PTPRA: variants seen among roughly 807,000 people sequenced by gnomAD.
The protein encoded by PTPRA is receptor-type tyrosine-protein phosphatase alpha.
In PTPRA, 25 loss-of-function variants were observed where a neutral mutation model predicts 104.8. That is an observed-to-expected ratio of 0.24 (90% CI 0.17 to 0.33). The LOEUF is 0.33. Ranked by LOEUF, PTPRA falls within the 10% of genes least tolerant of loss-of-function variation. The pLI, the probability that PTPRA is intolerant of heterozygous loss-of-function variation, is 1.00. For synonymous variants in PTPRA, 323 were observed against 368.9 expected (o/e 0.88, Z 1.43); for missense variants, 765 against 1,015.3 (o/e 0.75, Z 3.35).
At chr20:2,995,896 G>A (rs775554086) in intron 9 of PTPRA, among the ~76,000 whole-genome samples, 11 of 152,032 alleles carry the variant, frequency 7.2e-5, no homozygotes, top group Non-Finnish European at 1.3e-4. Context: ...ACCCCTACTC[G>A]TTTACCACCA....
intron 3 of PTPRA, among the ~76,000 whole-genome samples, chr20:2,951,810 G>A (rs772929084): frequency 6.6e-6 from 1 of 152,154 alleles, no homozygotes; most frequent in African/African-American, 2.4e-5. Flanking sequence ...CAATCATCTT[G>A]TGATCTGTTG....
chr20:3,001,786 A>C (rs907992587), intron 9 of PTPRA, among the ~76,000 whole-genome samples: 1 of 152,178 alleles, frequency 6.6e-6, no homozygotes, highest in East Asian at 1.9e-4. Context: ...CCAGGGTTTT[A>C]ATCTGAAAGG....
intron 3 of PTPRA, among the ~76,000 whole-genome samples, chr20:2,953,763 A>C (rs1465732679): frequency 6.6e-6 from 1 of 151,116 alleles, no homozygotes; most frequent in South Asian, 2.1e-4. Context: ...GCCCGCCACC[A>C]CACCCAGCTA....
In PTPRA at chr20:3,035,628, A is replaced by G. The variant is rs1268804137; in HGVS notation, c.1964A>G (p.Tyr655Cys). Residue 655 changes from tyrosine to cysteine, a missense_variant, in exon 21 of 24, where the codon TAT (tyrosine) becomes TGT (cysteine). Physicochemically the swap from Tyr to Cys is radical, Grantham distance 194. This residue lies in a region of PTPRA where 192 missense variants were observed against 227.0 expected (regional missense o/e 0.85). Transcript: ENST00000399903. The surrounding 1 kb of genome is among the most constrained non-coding windows in gnomAD (Gnocchi z 5.8). ...TGGCCATCTGATGGACTGGTGTCCT[A>G]TGGAGATATTACAGTGGAACTGAAG... ...QYWPSDGLVS[Y>C]GDITVELKKE... 3.1e-6 allele frequency: 5 copies of G among 1,613,570 alleles called. No individual in the cohort carries two copies. Among genetic ancestry groups the G allele is most frequent in the Non-Finnish European group, 1.7e-6 (2 of 1,179,510 alleles).
intron 2 of PTPRA, among the ~76,000 whole-genome samples, chr20:2,926,456 T>C (rs1228637145): frequency 6.6e-6 from 1 of 152,130 alleles, no homozygotes; most frequent in Non-Finnish European, 1.5e-5. Context: ...CAAATTTCCT[T>C]TTTCAAAATA....
chr20:3,010,146 A>G (rs1202330314), intron 11 of PTPRA, among the ~76,000 whole-genome samples: 1 of 150,712 alleles, frequency 6.6e-6, no homozygotes, highest in Non-Finnish European at 1.5e-5. Context: ...CACCGTGCCC[A>G]GCTGGAACAT....
chr20:2,953,262 A>T lies in PTPRA; in HGVS notation c.-7+5238A>T, dbSNP rs186486039. 3.3e-4 allele frequency among the ~76,000 whole-genome samples: 48 copies of T among 147,228 alleles called. 1 individual carries two copies. The highest frequency in any genetic ancestry group is 3.0e-3 in the South Asian group (14 of 4,596). On this transcript the variant is annotated intron_variant, in intron 3 of 23. Transcript: ENST00000399903. ...TTGGGGTTTTTTATTTTATTTATTT[A>T]TTTTTTTTTTGAGGCAGAGTCTCAC...
chr20:2,957,056 C>T (rs561455639), intron 3 of PTPRA, among the ~76,000 whole-genome samples: 4 of 152,124 alleles, frequency 2.6e-5, no homozygotes, highest in Non-Finnish European at 4.4e-5. Context: ...GAGGCTGAGG[C>T]GGGCAGATCA....
At chr20:2,899,845 GCCTGTAATC>G (rs2059160145) in intron 1 of PTPRA, among the ~76,000 whole-genome samples, 2 of 152,194 alleles carry the variant, frequency 1.3e-5, no homozygotes, top group Admixed American at 6.5e-5. Flanking sequence ...AGTGGCTCTT[GCCTGTAATC>G]CCAGCACTTT....
intron 3 of PTPRA, among the ~76,000 whole-genome samples, chr20:2,953,348 G>A (rs1440626243): frequency 2.0e-5 from 3 of 151,802 alleles, no homozygotes; most frequent in South Asian, 2.1e-4. Context: ...TCTGCCCCCC[G>A]GGTTCAAGCG....
chr20:3,032,068 C>T (rs1877212631), intron 20 of PTPRA, among the ~76,000 whole-genome samples: 1 of 152,222 alleles, frequency 6.6e-6, no homozygotes, highest in African/African-American at 2.4e-5. Context: ...AGCATCTGCT[C>T]TTGCCTGTCC....
At chr20:2,887,394 A>C (rs1022962436) in intron 1 of PTPRA, among the ~76,000 whole-genome samples, 1 of 152,088 alleles carries the variant, frequency 6.6e-6, no homozygotes, top group Non-Finnish European at 1.5e-5. Context: ...GGGTATAGAG[A>C]CTTATTTGAT....
Position 3,035,504 on chromosome 20 carries a change from G to A in PTPRA, c.1921-81G>A. The A allele has an allele frequency of 1.4e-6, 2 of 1,472,326 alleles. No homozygotes were observed. The highest frequency in any genetic ancestry group is 1.2e-5 in the South Asian group (1 of 82,052). The allele number at this position is 1,472,326 out of a possible 1,614,324, so 91.2% of individuals were successfully genotyped here. A position where few individuals can be genotyped will look rare whatever the true frequency, so the allele number is the denominator to read the frequency against. On this transcript the variant is annotated intron_variant, in intron 20 of 23. Transcript: ENST00000399903. This position sits in a 1 kb window ranked among gnomAD's most constrained non-coding sequence, Gnocchi z 5.8. ...AGCGTAAGAGGTGGCTGTACTGAGA[G>A]GGGTCAGGCTGCTCGTGGGCAGTGC...
chr20:2,934,576 T>A (rs1038503243), intron 2 of PTPRA, among the ~76,000 whole-genome samples: 4 of 152,090 alleles, frequency 2.6e-5, no homozygotes, highest in South Asian at 2.1e-4. Flanking sequence ...GAACTTTTTT[T>A]AAAACATTTT....
At chr20:2,943,914 T>C (rs28504008) in intron 2 of PTPRA, among the ~76,000 whole-genome samples, 1 of 152,142 alleles carries the variant, frequency 6.6e-6, no homozygotes, top group Non-Finnish European at 1.5e-5. Flanking sequence ...TTCGTATCCA[T>C]TTTCTATTGC....
chr20:2,869,580 C>T (rs1487593404), upstream of PTPRA, among the ~76,000 whole-genome samples: 3 of 152,208 alleles, frequency 2.0e-5, no homozygotes, highest in Non-Finnish European at 4.4e-5. Context: ...ATGTATGACG[C>T]TAGGATTGGG....
At chr20:3,032,572 C>G (rs937556196) in intron 20 of PTPRA, among the ~76,000 whole-genome samples, 1 of 151,242 alleles carries the variant, frequency 6.6e-6, no homozygotes, top group African/African-American at 2.4e-5. Context: ...TCGAGACCAG[C>G]CTGGCCAACA....
chr20:2,987,837 A>G, intron 7 of PTPRA, 195 bp from the exon 8 acceptor site: 1 of 714,686 alleles, frequency 1.4e-6, no homozygotes, highest in Non-Finnish European at 2.6e-6. Context: ...TGCCAAGGGT[A>G]AACAGGAGTA....
chr20:2,959,952 A>G (rs569961728), intron 3 of PTPRA, among the ~76,000 whole-genome samples: 4 of 152,184 alleles, frequency 2.6e-5, no homozygotes, highest in African/African-American at 9.6e-5. Flanking sequence ...CTCCGTCCTA[A>G]AAAAAGAAAG....
Sources: gnomAD v4.1 joint callset for allele counts (sites outside exome capture counted in the v4.1 genomes callset) on GRCh38, gnomAD v4.1.1 for gene constraint, gnomAD v4.1.1 regional missense constraint, Gnocchi (gnomAD v3.1) non-coding constraint, MANE v1.5 for transcripts, NCBI Gene and HGNC (gene_info 2026-07-23, HGNC 2026-07-21) for gene names.